The following ADAMTSL1 variants were observed in gnomAD, a reference collection of about 807,000 sequenced individuals.
ADAMTSL1 encodes the protein ADAMTS-like protein 1.
In ADAMTSL1, 126 loss-of-function variants were observed where a neutral mutation model predicts 201.8. That is an observed-to-expected ratio of 0.62 (90% CI 0.54 to 0.72). The LOEUF is 0.72. Ranked by LOEUF, ADAMTSL1 falls within the 30% of genes least tolerant of loss-of-function variation. ADAMTSL1 has a pLI of 0.00. For missense variants in ADAMTSL1, 2,679 were observed against 2,277.8 expected, an observed-to-expected ratio of 1.18 and a Z score of -3.59; for synonymous variants, 1,121 against 903.4, an observed-to-expected ratio of 1.24 and a Z score of -4.32.
chr9:18,781,442 T>C (rs12377429), intron 19 of ADAMTSL1, among the ~76,000 whole-genome samples: 53,152 of 152,144 alleles, frequency 0.35, 9,741 homozygotes, highest in Middle Eastern at 0.46. Context: ...TCCATTTTTG[T>C]TGGCTGTTCA....
intron 1 of ADAMTSL1, among the ~76,000 whole-genome samples, chr9:17,952,643 A>T (rs1295357182): frequency 6.6e-6 from 1 of 152,018 alleles, no homozygotes; most frequent in Non-Finnish European, 1.5e-5. Flanking sequence ...CCCAGGCTGG[A>T]GTGGAGGGAC....
At chr9:17,954,610 G>A (rs1827857960) in intron 1 of ADAMTSL1, among the ~76,000 whole-genome samples, 1 of 152,178 alleles carries the variant, frequency 6.6e-6, no homozygotes, top group Non-Finnish European at 1.5e-5. Flanking sequence ...ACTTGGTGAG[G>A]CATGGAAGGA....
chr9:18,721,438 A>G (rs957143850), intron 14 of ADAMTSL1, 98 bp from the exon 15 acceptor site: 4 of 1,523,454 alleles, frequency 2.6e-6, no homozygotes, highest in South Asian at 2.5e-5. Flanking sequence ...GTCCTACAGA[A>G]CACAGGGACC....
At chr9:17,977,591 C>T (rs1365929427) in intron 1 of ADAMTSL1, among the ~76,000 whole-genome samples, 1 of 151,924 alleles carries the variant, frequency 6.6e-6, no homozygotes, top group Non-Finnish European at 1.5e-5. Flanking sequence ...TATAGTTGTT[C>T]ATAGTAGTCC....
chr9:18,221,215 A>T (rs1480684145), intron 2 of ADAMTSL1, among the ~76,000 whole-genome samples: 5 of 152,198 alleles, frequency 3.3e-5, no homozygotes, highest in Non-Finnish European at 7.3e-5. Flanking sequence ...CTTTGTTTTT[A>T]ACCCCCGCAA....
chr9:18,051,762 C>T (rs1821952360), intron 1 of ADAMTSL1, among the ~76,000 whole-genome samples: 1 of 152,152 alleles, frequency 6.6e-6, no homozygotes, highest in Admixed American at 6.5e-5. Context: ...TGGTTCACAT[C>T]TGCATTCTGA....
At chr9:18,820,769 TC>T (rs1163323552) in intron 21 of ADAMTSL1, among the ~76,000 whole-genome samples, 2 of 152,220 alleles carry the variant, frequency 1.3e-5, no homozygotes, top group Non-Finnish European at 2.9e-5. Flanking sequence ...ATAGGCTTTT[TC>T]TTGAAAAGTG....
chr9:18,732,295 C>A (rs1818259799), intron 15 of ADAMTSL1, among the ~76,000 whole-genome samples: 1 of 152,180 alleles, frequency 6.6e-6, no homozygotes, highest in Non-Finnish European at 1.5e-5. Flanking sequence ...TTCAAGCCAG[C>A]TTTCTGTACA....
intron 26 of ADAMTSL1, among the ~76,000 whole-genome samples, chr9:18,897,372 A>T (rs1186021115): frequency 6.6e-6 from 1 of 152,174 alleles, no homozygotes; most frequent in Non-Finnish European, 1.5e-5. Flanking sequence ...AAACAGCCAG[A>T]CTGATTCTTT....
chr9:18,415,875 C>T (rs1198946616), intron 2 of ADAMTSL1, among the ~76,000 whole-genome samples: 2 of 151,530 alleles, frequency 1.3e-5, no homozygotes, highest in African/African-American at 4.8e-5. Context: ...ACAATATATA[C>T]AAGAAGAGAA....
intron 1 of ADAMTSL1, among the ~76,000 whole-genome samples, chr9:18,052,561 C>T (rs1704543696): frequency 6.6e-6 from 1 of 152,140 alleles, no homozygotes; most frequent in Admixed American, 6.5e-5. Context: ...CAGCTCTGTG[C>T]CTCCCATCAG....
chr9:17,960,199 G>T (rs1238503962), intron 1 of ADAMTSL1, among the ~76,000 whole-genome samples: 1 of 152,106 alleles, frequency 6.6e-6, no homozygotes, highest in Non-Finnish European at 1.5e-5. Context: ...ACTTCATTCA[G>T]TAAGAAGGGA....
chr9:18,052,386 C>T (rs1473298108), intron 1 of ADAMTSL1, among the ~76,000 whole-genome samples: 4 of 152,182 alleles, frequency 2.6e-5, no homozygotes, highest in African/African-American at 9.7e-5. Context: ...GGGGTAGTGA[C>T]ATTCAAGCTG....
chr9:18,483,625 A>C (rs1821839234), intron 1 of ADAMTSL1, among the ~76,000 whole-genome samples: 1 of 152,206 alleles, frequency 6.6e-6, no homozygotes, highest in Non-Finnish European at 1.5e-5. Flanking sequence ...CAGGAGATCG[A>C]GACCATCCTC....
chr9:18,014,638 A>G (rs1820180650), intron 1 of ADAMTSL1, among the ~76,000 whole-genome samples: 1 of 152,090 alleles, frequency 6.6e-6, no homozygotes, highest in Non-Finnish European at 1.5e-5. Flanking sequence ...TGCATGCAAA[A>G]TAGTTTTAAC....
At chr9:17,962,760 A>G (rs568993353) in intron 1 of ADAMTSL1, among the ~76,000 whole-genome samples, 2 of 152,350 alleles carry the variant, frequency 1.3e-5, no homozygotes, top group East Asian at 3.9e-4. Context: ...AATTTCAGGT[A>G]TGCTTTCATC....
rs1187677387 is a variant in ADAMTSL1 at position 18,239,685 on chromosome 9, T to A, written c.207+75704T>A. Among the ~76,000 whole-genome samples the A allele has an allele frequency of 2.0e-5, 3 of 151,682 alleles. No individual in the cohort carries two copies. The East Asian group carries it at 5.8e-4, about 30-fold the overall frequency. On this transcript the variant is annotated intron_variant, in intron 2 of 29. Transcript: ENST00000680146. ...ATTGCTTGAACCCAAGAGGCAGGGG[T>A]TGCAGTGAGCTGAGATCATGCCACC...
chr9:18,019,457 A>G (rs1419132883), intron 1 of ADAMTSL1, among the ~76,000 whole-genome samples: 1 of 152,098 alleles, frequency 6.6e-6, no homozygotes, highest in Non-Finnish European at 1.5e-5. Flanking sequence ...AAGACCTCAG[A>G]GAGATCAAAG....
intron 26 of ADAMTSL1, among the ~76,000 whole-genome samples, chr9:18,897,319 A>T (rs1198212716): frequency 6.6e-6 from 1 of 152,172 alleles, no homozygotes; most frequent in Non-Finnish European, 1.5e-5. Context: ...CAGTCTGGAC[A>T]AGGAAGGGTT....
Sources: allele counts gnomAD v4.1 joint callset (sites outside exome capture counted in the v4.1 genomes callset), GRCh38; gene constraint gnomAD v4.1.1; transcripts MANE v1.5; gene names NCBI Gene and HGNC (gene_info 2026-07-23, HGNC 2026-07-21).